Variants in NUDT5 observed in about 807,000 individuals in gnomAD.
NUDT5 encodes the protein nudix hydrolase 5.
NUDT5 carries 21 observed loss-of-function variants against 34.1 expected under a neutral mutation model. That is an observed-to-expected ratio of 0.62 (90% CI 0.44 to 0.89). NUDT5 has a LOEUF of 0.89. Among genes scored for constraint, NUDT5 ranks in the 40% least tolerant of loss-of-function variants. The pLI is 0.00. For missense variants in NUDT5, 249 were observed against 274.8 expected (o/e 0.91, Z 0.66); for synonymous variants, 85 against 97.6 (o/e 0.87, Z 0.76).
intron 3 of NUDT5, among the ~76,000 whole-genome samples, chr10:12,179,822 G>T (rs1229162568): frequency 6.6e-6 from 1 of 152,112 alleles, no homozygotes; most frequent in Non-Finnish European, 1.5e-5. Context: ...CTACTTTCTG[G>T]CCTTGGAACA....
Position 12,168,260 on chromosome 10 carries a change from G to A in NUDT5, c.551-449C>T, listed in dbSNP as rs907051705. 9.2e-5 allele frequency among the ~76,000 whole-genome samples: 14 copies of A among 152,242 alleles called. No homozygotes were observed. Among genetic ancestry groups the A allele is most frequent in the African/African-American group, 3.1e-4 (13 of 41,556 alleles). ...AGGATGGTTTCGATCTCCTGACCTC[G>A]TGATCCACCCGCCTCAGCCTCCCAA... On this transcript the variant is annotated intron_variant, in intron 9 of 9. Coordinates refer to ENST00000491614, the MANE Select transcript of NUDT5 (RefSeq NM_014142.4). This position sits in a 1 kb window ranked among gnomAD's most constrained non-coding sequence, Gnocchi z 4.8.
In NUDT5 at chr10:12,167,042, T is replaced by A. The variant is rs1307273631; in HGVS notation, c.*660A>T. ...AAAGAGATCCTCAAGCACGTGCAGA[T>A]GCTTGCGGGATGGACCTGAATTTTC... On this transcript the variant is annotated 3_prime_UTR_variant, in exon 10 of 10. Coordinates refer to ENST00000491614, the MANE Select transcript of NUDT5 (RefSeq NM_014142.4). The A allele has an allele frequency of 5.3e-6, 1 of 188,072 alleles. No individual in the cohort carries two copies. Among genetic ancestry groups the A allele is most frequent in the Non-Finnish European group, 1.1e-5 (1 of 88,812 alleles). The allele number at this position is 188,072 out of a possible 1,614,324, so 11.7% of individuals were successfully genotyped here.
intron 1 of NUDT5, among the ~76,000 whole-genome samples, chr10:12,188,057 T>G (rs1835157454): frequency 6.6e-6 from 1 of 152,104 alleles, no homozygotes; most frequent in Non-Finnish European, 1.5e-5. Flanking sequence ...GAGGGTCATT[T>G]GGACCCAGGA....
Position 12,172,866 on chromosome 10 carries a change from G to C in NUDT5, c.386C>G (p.Ala129Gly). Residue 129 changes from alanine to glycine, a missense_variant and splice_region_variant, in exon 7 of 10, where the codon GCG becomes GGG. Physicochemically the swap from Ala to Gly is moderately conservative, Grantham distance 60 (BLOSUM62 0). Transcript: ENST00000491614. ...YKGDIAECSP[A>G]VCMDPGLSNC... ...TGACAAGCCTGGGTCCATACAGACC[G>C]CTGTGGAGAGAAGGGACAGTCAGAT... 1 of 1,608,158 alleles carries C rather than the reference G, an allele frequency of 6.2e-7. No individual in the cohort carries two copies. The highest frequency in any genetic ancestry group is 1.1e-5 in the South Asian group (1 of 90,816).
intron 4 of NUDT5, among the ~76,000 whole-genome samples, chr10:12,178,261 T>C (rs575960362): frequency 6.6e-6 from 1 of 152,306 alleles, no homozygotes; most frequent in African/African-American, 2.4e-5. Context: ...GCCACAGCCA[T>C]CCCTGTGCTC....
At position 12,168,340 on chromosome 10, in the gene NUDT5, G is replaced by A. The variant is rs1834761638; in HGVS notation, c.551-529C>T. On this transcript the variant is annotated intron_variant, in intron 9 of 9. Transcript: ENST00000491614. The surrounding 1 kb of genome is among the most constrained non-coding windows in gnomAD (Gnocchi z 4.8). Reference sequence around the variant, plus strand: ...CACCCAGCCAGGGATGATTTTATGTGTGAAAACAGCAAAGTTGGAAGTGTA... The same window carrying A: ...CACCCAGCCAGGGATGATTTTATGTATGAAAACAGCAAAGTTGGAAGTGTA... 6.6e-6 allele frequency among the ~76,000 whole-genome samples: 1 copy of A among 152,086 alleles called. No homozygotes were observed. Among genetic ancestry groups the A allele is most frequent in the Non-Finnish European group, 1.5e-5 (1 of 68,010 alleles).
At position 12,182,132 on chromosome 10, in the gene NUDT5, G is replaced by GT. The variant is rs1554803230; in HGVS notation, c.131+2756dup. On this transcript the variant is annotated intron_variant, in intron 3 of 9. Transcript: ENST00000491614. The surrounding 1 kb of genome is among the most constrained non-coding windows in gnomAD (Gnocchi z 4.3). ...CAACAGAACAAGACTCTGTCTCAGG[G>GT]TAAAAAAAAAAAAAAAGAAGGATAT... 0.026 allele frequency among the ~76,000 whole-genome samples: 3,748 copies of GT among 142,226 alleles called. 151 individuals carry two copies. The highest frequency in any genetic ancestry group is 0.091 in the African/African-American group (3,514 of 38,760). The allele number at this position is 142,226 out of a possible 152,430, so 93.3% of individuals were successfully genotyped here. A position where few individuals can be genotyped will look rare whatever the true frequency, so the allele number is the denominator to read the frequency against.
chr10:12,167,596 C>A lies in NUDT5; in HGVS notation c.*106G>T. 1.8e-6 allele frequency: 2 copies of A among 1,110,798 alleles called. No homozygotes were observed. The highest frequency in any genetic ancestry group is 2.6e-6 in the Non-Finnish European group (2 of 757,592). The allele number at this position is 1,110,798 out of a possible 1,614,324, so 68.8% of individuals were successfully genotyped here. ...ACATCTGTTCTGTGCTTTTATTTTA[C>A]GAAAAAGCTAATGGCAAATCTACAT... On this transcript the variant is annotated 3_prime_UTR_variant, in exon 10 of 10. Transcript: ENST00000491614.
intron 1 of NUDT5, among the ~76,000 whole-genome samples, chr10:12,192,303 CAA>C (rs66550394): frequency 2.2e-5 from 3 of 135,156 alleles, no homozygotes; most frequent in Admixed American, 7.4e-5. Flanking sequence ...ACTCTGTCTC[CAA>C]AAAAAAAAAG....
rs113176851 is a variant in NUDT5, at chr10:12,185,383, G to A, written c.64-427C>T. Among the ~76,000 whole-genome samples the A allele has an allele frequency of 3.9e-5, 6 of 152,284 alleles. 1 individual carries two copies. The highest frequency in any genetic ancestry group is 1.2e-4 in the African/African-American group (5 of 41,556). ...ATTTCTAGACACTGGTATTTTTCCT[G>A]TCAGTGATGACACAGGAAGGCGGAC... On this transcript the variant is annotated intron_variant, in intron 2 of 9. Coordinates refer to ENST00000491614, the MANE Select transcript of NUDT5 (RefSeq NM_014142.4).
In NUDT5 at chr10:12,173,587, C is replaced by A; in HGVS notation, c.385+131G>T. ...CCTCCTGGGAGGGGAGATTCCCTTA[C>A]ACTTGGTGACCAGTCCTAATCTGTG... On this transcript the variant is annotated intron_variant, in intron 6 of 9. Transcript: ENST00000491614. This position sits in a 1 kb window ranked among gnomAD's most constrained non-coding sequence, Gnocchi z 4.7. 4 of 731,872 alleles carry A rather than the reference C, an allele frequency of 5.5e-6. No individual in the cohort carries two copies. Among genetic ancestry groups the A allele is most frequent in the South Asian group, 4.9e-5 (3 of 61,552 alleles). 45.3% of individuals were successfully genotyped at this position (731,872 alleles called of 1,614,324 possible). A position where few individuals can be genotyped will look rare whatever the true frequency, so the allele number is the denominator to read the frequency against.
chr10:12,187,271 C>T lies in NUDT5; in HGVS notation c.-41-939G>A, dbSNP rs914866067. On this transcript the variant is annotated intron_variant, in intron 1 of 9. Coordinates refer to ENST00000491614, the MANE Select transcript of NUDT5 (RefSeq NM_014142.4). This position sits in a 1 kb window ranked among gnomAD's most constrained non-coding sequence, Gnocchi z 5.4. ...CTGGTCTCAGACTCCCGGGCTCAAG[C>T]GATCCTCCTCCCGCCTCGGTGTCCC... is the stretch of plus-strand genomic sequence containing the variant. Among the ~76,000 whole-genome samples the T allele has an allele frequency of 2.0e-5, 3 of 151,436 alleles. No homozygotes were observed. The highest frequency in any genetic ancestry group is 4.8e-5 in the African/African-American group (2 of 41,238).
chr10:12,189,894 ATTTTTT>A (rs34725302), intron 1 of NUDT5, among the ~76,000 whole-genome samples: 1 of 130,888 alleles, frequency 7.6e-6, no homozygotes, highest in Non-Finnish European at 1.7e-5. Flanking sequence ...GTGTTCTACA[ATTTTTT>A]TTTTTTTTTT....
chr10:12,184,410 T>G (rs1835092138), intron 3 of NUDT5: 1 of 1,226,832 alleles, frequency 8.2e-7, no homozygotes. Context: ...GTACAGTATC[T>G]TTAGGGCTAC....
intron 5 of NUDT5, among the ~76,000 whole-genome samples, chr10:12,176,136 G>A (rs987111016): frequency 3.3e-5 from 5 of 151,588 alleles, no homozygotes; most frequent in Non-Finnish European, 7.4e-5. Context: ...GGCGGAGGTT[G>A]CAGTGAGCTG....
Position 12,170,223 on chromosome 10 carries a change from A to C in NUDT5, c.550+494T>G. On this transcript the variant is annotated intron_variant, in intron 9 of 9. Coordinates refer to ENST00000491614, the MANE Select transcript of NUDT5 (RefSeq NM_014142.4). The surrounding 1 kb of genome is among the most constrained non-coding windows in gnomAD (Gnocchi z 4.9). ...GACCAGTGATTTCTAAGGGCCACAC[A>C]GCTGGTTTGGTTTATTATGTGAAAA... 1 of 1,607,926 alleles carries C rather than the reference A, an allele frequency of 6.2e-7. No homozygotes were observed. The highest frequency in any genetic ancestry group is 8.5e-7 in the Non-Finnish European group (1 of 1,175,468).
chr10:12,170,333 C>A lies in NUDT5; in HGVS notation c.550+384G>T. On this transcript the variant is annotated intron_variant, in intron 9 of 9. Coordinates refer to ENST00000491614, the MANE Select transcript of NUDT5 (RefSeq NM_014142.4). This position sits in a 1 kb window ranked among gnomAD's most constrained non-coding sequence, Gnocchi z 4.9. ...TTTCTCCTTGAACATACAGCCTCCA[C>A]AAAGGACCATCCCTCATACTAGCAT... is the stretch of plus-strand genomic sequence containing the variant. 1 of 815,816 alleles carries A rather than the reference C, an allele frequency of 1.2e-6. No individual in the cohort carries two copies. The highest frequency in any genetic ancestry group is 2.0e-6 in the Non-Finnish European group (1 of 503,462). The allele number at this position is 815,816 out of a possible 1,614,324, so 50.5% of individuals were successfully genotyped here.
rs571066495 is a variant in NUDT5, at chr10:12,187,501, G to A, written c.-41-1169C>T. Among the ~76,000 whole-genome samples the A allele has an allele frequency of 1.1e-4, 17 of 152,150 alleles. No individual in the cohort carries two copies. Among genetic ancestry groups the A allele is most frequent in the African/African-American group, 2.7e-4 (11 of 41,490 alleles). Reference sequence around the variant, plus strand: ...CTTCATTTTCGGACCTTGCCTGTCCGAAGGTCAAAGTCTTTTTTTCTTACC... The same window carrying A: ...CTTCATTTTCGGACCTTGCCTGTCCAAAGGTCAAAGTCTTTTTTTCTTACC... On this transcript the variant is annotated intron_variant, in intron 1 of 9. Transcript: ENST00000491614. This position sits in a 1 kb window ranked among gnomAD's most constrained non-coding sequence, Gnocchi z 5.4.
intron 3 of NUDT5, chr10:12,184,383 G>A: frequency 1.0e-6 from 1 of 954,370 alleles, no homozygotes; most frequent in Non-Finnish European, 1.5e-6. Flanking sequence ...TTAAAACTGG[G>A]ATTACTCGGT....
Sources: gnomAD v4.1 joint callset for allele counts (sites outside exome capture counted in the v4.1 genomes callset) on GRCh38, gnomAD v4.1.1 for gene constraint, Gnocchi (gnomAD v3.1) non-coding constraint, MANE v1.5 for transcripts, NCBI Gene and HGNC (gene_info 2026-07-23, HGNC 2026-07-21) for gene names.